Variants in MCRS1 observed in about 807,000 individuals in gnomAD.
MCRS1 encodes 58 kDa microspherule protein.
MCRS1 carries 22 observed loss-of-function variants against 62.9 expected under a neutral mutation model. The observed-to-expected ratio is 0.35, with a 90% CI of 0.25 to 0.50. The LOEUF (loss-of-function observed/expected upper bound fraction) is 0.50. Ranked by LOEUF, MCRS1 falls within the 20% of genes least tolerant of loss-of-function variation. The pLI is 0.98. For missense variants in MCRS1, 456 were observed against 601.1 expected, an observed-to-expected ratio of 0.76 and a Z score of 2.52; for synonymous variants, 244 against 233.5, an observed-to-expected ratio of 1.04 and a Z score of -0.41.
rs1002954405 is a variant in MCRS1, at chr12:49,559,437, G to A, written c.1086+16C>T. 1.9e-5 allele frequency: 30 copies of A among 1,613,890 alleles called. No individual in the cohort carries two copies. Among genetic ancestry groups the A allele is most frequent in the Non-Finnish European group, 2.5e-5 (29 of 1,179,956 alleles). ...GAGGAAGCAGCCTAAGAAGGGCGGG[G>A]ATGGGCCTGCCTCACCTCACGCGAG... On this transcript the variant is annotated intron_variant, in intron 12 of 14. Coordinates refer to ENST00000343810, the MANE Select transcript of MCRS1 (RefSeq NM_006337.5). The surrounding 1 kb of genome is among the most constrained non-coding windows in gnomAD (Gnocchi z 5.2).
chr12:49,560,614 T>G (rs924786113), intron 8 of MCRS1, among the ~76,000 whole-genome samples: 1 of 152,202 alleles, frequency 6.6e-6, no homozygotes, highest in South Asian at 2.1e-4. Context: ...ATGGGCTTCT[T>G]GGTGTGCAAA....
chr12:49,560,099 C>T (rs1340544899), intron 9 of MCRS1, 132 bp from the exon 10 acceptor site: 1 of 1,337,298 alleles, frequency 7.5e-7, no homozygotes, highest in African/African-American at 1.4e-5. Flanking sequence ...GCCCAGCCTC[C>T]TTCTCTGGGG....
At chr12:49,563,610 A>G (rs1450395290) in intron 6 of MCRS1, 64 bp from the exon 7 acceptor site, 6 of 1,262,862 alleles carry the variant, frequency 4.8e-6, no homozygotes, top group Non-Finnish European at 6.7e-6. Context: ...TGGGGTTCCT[A>G]CTATTTCCCC....
chr12:49,566,376 C>A, intron 2 of MCRS1, 161 bp from the exon 3 acceptor site: 1 of 1,574,068 alleles, frequency 6.4e-7, no homozygotes, highest in Non-Finnish European at 8.6e-7. Context: ...ATCCAGATCC[C>A]ATCTGGGCTC....
In MCRS1 at chr12:49,564,905, G is replaced by C; in HGVS notation, c.289-10C>G. On this transcript the variant is annotated splice_polypyrimidine_tract_variant and intron_variant, in intron 4 of 14. Transcript: ENST00000343810. ...TGGGGGCTTTGGATACCTGGGCAGA[G>C]GACAGGAACAAACCAAGCTCAAAGC... The C allele has an allele frequency of 6.4e-7, 1 of 1,568,842 alleles. No individual in the cohort carries two copies. Among genetic ancestry groups the C allele is most frequent in the Non-Finnish European group, 8.7e-7 (1 of 1,155,800 alleles).
intron 1 of MCRS1, 22 bp from the exon 2 acceptor site, chr12:49,566,863 C>T: frequency 3.2e-6 from 4 of 1,249,944 alleles, no homozygotes; most frequent in East Asian, 5.1e-5. Flanking sequence ...AAATGAGGCT[C>T]CCTGAGGCTC....
At chr12:49,564,367 C>T in intron 6 of MCRS1, 114 bp downstream of exon 6, 1 of 822,008 alleles carries the variant, frequency 1.2e-6, no homozygotes, top group Non-Finnish European at 1.9e-6. Flanking sequence ...AAGGAGCCTC[C>T]AGGAGTCCTG....
intron 2 of MCRS1, 47 bp downstream of exon 2, chr12:49,566,675 A>G: frequency 6.2e-7 from 1 of 1,613,364 alleles, no homozygotes. Flanking sequence ...GAATCAGCAG[A>G]TGCTTGGCGC....
At position 49,559,003 on chromosome 12, in the gene MCRS1, G is replaced by C; in HGVS notation, c.1175-33C>G. The C allele has an allele frequency of 6.2e-7, 1 of 1,600,132 alleles. No individual in the cohort carries two copies. Among genetic ancestry groups the C allele is most frequent in the Non-Finnish European group, 8.5e-7 (1 of 1,179,502 alleles). Reference sequence around the variant, plus strand: ...AGCAGAAAGAAAGAAGGGATGATGGGATGGGGAGGGATTGATGGGATGGGG... The same window carrying C: ...AGCAGAAAGAAAGAAGGGATGATGGCATGGGGAGGGATTGATGGGATGGGG... On this transcript the variant is annotated intron_variant, in intron 13 of 14. Coordinates refer to ENST00000343810, the MANE Select transcript of MCRS1 (RefSeq NM_006337.5). The surrounding 1 kb of genome is among the most constrained non-coding windows in gnomAD (Gnocchi z 5.2).
chr12:49,561,145 A>G (rs1272024044), intron 8 of MCRS1, among the ~76,000 whole-genome samples: 1 of 152,110 alleles, frequency 6.6e-6, no homozygotes, highest in Non-Finnish European at 1.5e-5. Context: ...GGATCTCTTG[A>G]GCTGAGAATT....
At position 49,564,725 on chromosome 12, in the gene MCRS1, T is replaced by C. The variant is rs2138198648; in HGVS notation, c.447+12A>G. On this transcript the variant is annotated intron_variant, in intron 5 of 14. Transcript: ENST00000343810. The stretch of plus-strand genomic sequence containing the variant: ...GGAAAGGGGCACACTGAGCCTATGG[T>C]GGGGGCACTACCTGCAACACAGCAT... 6.2e-7 allele frequency: 1 copy of C among 1,606,384 alleles called. No individual in the cohort carries two copies.
chr12:49,560,443 A>C, intron 8 of MCRS1, 73 bp from the exon 9 acceptor site: 2 of 1,396,840 alleles, frequency 1.4e-6, no homozygotes, highest in African/African-American at 1.4e-5. Context: ...CCACTAAGCC[A>C]AGTGGACCAG....
In MCRS1 at chr12:49,564,707, G is replaced by T. The variant is rs377377448; in HGVS notation, c.447+30C>A. 6 of 1,602,920 alleles carry T rather than the reference G, an allele frequency of 3.7e-6. No individual in the cohort carries two copies. The African/African-American group carries it at 6.7e-5, about 18-fold the overall frequency. On this transcript the variant is annotated intron_variant, in intron 5 of 14. Coordinates refer to ENST00000343810, the MANE Select transcript of MCRS1 (RefSeq NM_006337.5). ...TGCGAACTGGAGGTTGGGGGAAAGGGGCACACTGAGCCTATGGTGGGGGCA... is the reference window on the plus strand; with the variant it reads ...TGCGAACTGGAGGTTGGGGGAAAGGTGCACACTGAGCCTATGGTGGGGGCA...
rs545204384 is a variant in MCRS1 at position 49,559,646 on chromosome 12, C to A, written c.1003+83G>T. 1.3e-6 allele frequency: 2 copies of A among 1,589,204 alleles called. No individual in the cohort carries two copies. Among genetic ancestry groups the A allele is most frequent in the East Asian group, 2.2e-5 (1 of 44,570 alleles). On this transcript the variant is annotated intron_variant, in intron 11 of 14. Transcript: ENST00000343810. This position sits in a 1 kb window ranked among gnomAD's most constrained non-coding sequence, Gnocchi z 5.2. Reference sequence around the variant, plus strand: ...GGGTCGGGGCCTGGGAAACGAGGGTCTCCCCAGCCAGGCAGCAACAGGGGC... The same window carrying A: ...GGGTCGGGGCCTGGGAAACGAGGGTATCCCCAGCCAGGCAGCAACAGGGGC...
chr12:49,566,771 G>T lies in MCRS1; in HGVS notation c.-40C>A, dbSNP rs749863500. On this transcript the variant is annotated 5_prime_UTR_variant, in exon 2 of 15. Transcript: ENST00000343810. ...AAAGCCACTGGTTCCAAACCACCGG[G>T]CTAGGAGGAACGGTCCCACAGGCTC... The T allele has an allele frequency of 1.2e-6, 2 of 1,610,600 alleles. No individual in the cohort carries two copies. The highest frequency in any genetic ancestry group is 8.5e-7 in the Non-Finnish European group (1 of 1,178,446).
At position 49,558,973 on chromosome 12, in the gene MCRS1, G is replaced by A. The variant is rs774694487; in HGVS notation, c.1175-3C>T. 2 of 1,611,514 alleles carry A rather than the reference G, an allele frequency of 1.2e-6. No homozygotes were observed. The highest frequency in any genetic ancestry group is 2.2e-5 in the South Asian group (2 of 91,078). On this transcript the variant is annotated splice_region_variant and splice_polypyrimidine_tract_variant and intron_variant, in intron 13 of 14. Coordinates refer to ENST00000343810, the MANE Select transcript of MCRS1 (RefSeq NM_006337.5). ...GTTGTTCTTCAGCTTGATGACACCT[G>A]TGGAAGCAGAAAGAAAGAAGGGATG...
chr12:49,562,528 G>C (rs570430650), intron 8 of MCRS1, among the ~76,000 whole-genome samples: 2 of 152,180 alleles, frequency 1.3e-5, no homozygotes, highest in Non-Finnish European at 2.9e-5. Flanking sequence ...GGGAAAAGAA[G>C]AGGAAGAAGG....
intron 4 of MCRS1, 158 bp downstream of exon 4, chr12:49,565,371 G>A (rs79170966): frequency 0.025 from 24,952 of 985,354 alleles, 379 homozygotes; most frequent in African/African-American, 0.06. Flanking sequence ...GGAGTAGGGA[G>A]AGGTGTGTTC....
At chr12:49,561,524 G>A (rs1052735128) in intron 8 of MCRS1, among the ~76,000 whole-genome samples, 1 of 152,236 alleles carries the variant, frequency 6.6e-6, no homozygotes, top group Non-Finnish European at 1.5e-5. Flanking sequence ...CGGCAAAGGA[G>A]AAATCAAATC....
Sources: gnomAD v4.1 joint callset for allele counts (sites outside exome capture counted in the v4.1 genomes callset) on GRCh38, gnomAD v4.1.1 for gene constraint, Gnocchi (gnomAD v3.1) non-coding constraint, MANE v1.5 for transcripts, NCBI Gene and HGNC (gene_info 2026-07-23, HGNC 2026-07-21) for gene names.